Variants in KDM3B observed in about 807,000 individuals in gnomAD.
The protein encoded by KDM3B is lysine demethylase 3B.
KDM3B carries 10 observed loss-of-function variants against 170.0 expected under a neutral mutation model. The ratio of observed to expected loss-of-function variants is 0.06; its 90% CI spans 0.04 to 0.10. The LOEUF (loss-of-function observed/expected upper bound fraction) is 0.10, where lower values mean the gene tolerates loss of function less well. Ranked by LOEUF, KDM3B falls within the 10% of genes least tolerant of loss-of-function variation. The pLI, the probability that KDM3B is intolerant of heterozygous loss-of-function variation, is 1.00. For synonymous variants in KDM3B, 831 were observed against 834.8 expected (o/e 1.00, Z 0.08); for missense variants, 1,394 against 2,195.2 (o/e 0.64, Z 7.29).
intron 17 of KDM3B, among the ~76,000 whole-genome samples, chr5:138,426,008 A>T (rs1763382556): frequency 6.6e-6 from 1 of 152,142 alleles, no homozygotes; most frequent in Non-Finnish European, 1.5e-5. Flanking sequence ...TGTCTCAAAA[A>T]TAAATAAATA....
chr5:138,391,469 C>A lies in KDM3B; in HGVS notation c.1837C>A (p.Arg613Ser). ...CTTCCCACGGAGCCTCCTAAATGCC[C>A]GTACCCCAGAGAATCATGAAAATCT... Reference protein sequence around the residue: ...PAFPRSLLNARTPENHENLFL... With the variant: ...PAFPRSLLNASTPENHENLFL... The change falls in exon 8 of 24, where the codon CGT becomes AGT. Residue 613 changes from arginine to serine, a missense_variant. Transcript: ENST00000314358. This position sits in a 1 kb window ranked among gnomAD's most constrained non-coding sequence, Gnocchi z 5.0. 6.2e-7 allele frequency: 1 copy of A among 1,614,148 alleles called. No individual in the cohort carries two copies. The highest frequency in any genetic ancestry group is 1.1e-5 in the South Asian group (1 of 91,080).
At chr5:138,375,338 T>A (rs1761970013) in intron 3 of KDM3B, 132 bp downstream of exon 3, 1 of 395,356 alleles carries the variant, frequency 2.5e-6, no homozygotes, top group East Asian at 3.8e-5. Flanking sequence ...CTTCCTCCAA[T>A]AAATATGCTG....
At chr5:138,382,447 G>A (rs575316123) in intron 6 of KDM3B, among the ~76,000 whole-genome samples, 87 of 151,794 alleles carry the variant, frequency 5.7e-4, no homozygotes, top group African/African-American at 1.4e-3. Context: ...GCAAGACTCC[G>A]TCTCAAAAAA....
chr5:138,361,614 TG>T (rs1215353445), intron 1 of KDM3B, among the ~76,000 whole-genome samples: 1 of 152,228 alleles, frequency 6.6e-6, no homozygotes, highest in East Asian at 1.9e-4. Flanking sequence ...GCCTTGATTT[TG>T]GTGATCCTTC....
intron 5 of KDM3B, among the ~76,000 whole-genome samples, chr5:138,380,011 A>G (rs1762087110): frequency 6.6e-6 from 1 of 152,158 alleles, no homozygotes; most frequent in African/African-American, 2.4e-5. Flanking sequence ...CAGTAGTAGT[A>G]TTATATTCAT....
chr5:138,419,437 G>A (rs1353510001), intron 14 of KDM3B, among the ~76,000 whole-genome samples: 3 of 151,824 alleles, frequency 2.0e-5, no homozygotes, highest in South Asian at 2.1e-4. Flanking sequence ...GGCAGATCGC[G>A]AGGTCAGGAG....
At chr5:138,421,665 T>C (rs1012793709) in intron 15 of KDM3B, among the ~76,000 whole-genome samples, 1 of 152,034 alleles carries the variant, frequency 6.6e-6, no homozygotes, top group Admixed American at 6.6e-5. Context: ...TTTTAAAATA[T>C]GTCATCCCAT....
At chr5:138,384,771 G>A (rs923701169) in intron 6 of KDM3B, among the ~76,000 whole-genome samples, 1 of 149,146 alleles carries the variant, frequency 6.7e-6, no homozygotes, top group Non-Finnish European at 1.5e-5. Flanking sequence ...AAAATTAGCC[G>A]GATGTGGTGG....
intron 6 of KDM3B, among the ~76,000 whole-genome samples, chr5:138,382,819 T>C (rs984297569): frequency 2.0e-5 from 3 of 152,178 alleles, no homozygotes; most frequent in African/African-American, 7.2e-5. Flanking sequence ...ACATGTAATA[T>C]TACCACAAAC....
chr5:138,368,506 A>G (rs11949335), intron 1 of KDM3B, among the ~76,000 whole-genome samples: 38,248 of 151,792 alleles, frequency 0.25, 5,424 homozygotes, highest in East Asian at 0.56. Flanking sequence ...AGCCTCCCAC[A>G]GTGCTGGGAT....
chr5:138,374,989 G>C (rs76337811), intron 2 of KDM3B, 104 bp from the exon 3 acceptor site: 1 of 701,342 alleles, frequency 1.4e-6, no homozygotes, highest in Non-Finnish European at 2.6e-6. Context: ...GTATTTACTG[G>C]GATGAAAGAT....
At chr5:138,355,187 A>C (rs35635987) in intron 1 of KDM3B, among the ~76,000 whole-genome samples, 38,932 of 152,162 alleles carry the variant, frequency 0.26, 6,095 homozygotes, top group South Asian at 0.4. Context: ...GTTATGTTTA[A>C]GATGTTTTCA....
chr5:138,392,866 T>C (rs1762468047), intron 8 of KDM3B, among the ~76,000 whole-genome samples: 1 of 152,180 alleles, frequency 6.6e-6, no homozygotes. Flanking sequence ...AATAGCCATA[T>C]CGTGAGAGAC....
At chr5:138,354,984 G>A (rs1278564333) in intron 1 of KDM3B, among the ~76,000 whole-genome samples, 2 of 152,214 alleles carry the variant, frequency 1.3e-5, no homozygotes, top group Non-Finnish European at 2.9e-5. Context: ...AATGACCAGT[G>A]TAGGATGAGA....
Position 138,430,315 on chromosome 5 carries a change from C to G in KDM3B, c.4960C>G (p.Leu1654Val), listed in dbSNP as rs1448429189. 6.2e-7 allele frequency: 1 copy of G among 1,614,028 alleles called. No homozygotes were observed. Among genetic ancestry groups the G allele is most frequent in the Non-Finnish European group, 8.5e-7 (1 of 1,180,004 alleles). Reference sequence around the variant, plus strand: ...CCCAATTCATGACCAAAGTTGGTACCTGGACCAGACCCTCCGTAAGCGACT... The same window carrying G: ...CCCAATTCATGACCAAAGTTGGTACGTGGACCAGACCCTCCGTAAGCGACT... The part of the protein sequence containing the change: ...HDPIHDQSWY[L>V]DQTLRKRLYE... Residue 1654 changes from leucine (L) to valine (V), a missense_variant, in exon 22 of 24, where the codon CTG becomes GTG. This residue lies in a region of KDM3B where 79 missense variants were observed against 270.5 expected (regional missense o/e 0.29). Transcript: ENST00000314358.
At position 138,420,914 on chromosome 5, in the gene KDM3B, C is replaced by T. The variant is rs1029923962; in HGVS notation, c.3924C>T (p.Pro1308=). 1.9e-6 allele frequency: 3 copies of T among 1,614,136 alleles called. No individual in the cohort carries two copies. The highest frequency in any genetic ancestry group is 2.5e-6 in the Non-Finnish European group (3 of 1,179,986). The change falls in exon 15 of 24, where the codon CCC becomes CCT. Residue 1308 remains proline, a synonymous_variant. Coordinates refer to ENST00000314358, the MANE Select transcript of KDM3B (RefSeq NM_016604.4). ...GGCCGGGAAAACTTCCTCAAACCCC[C>T]TTGGACACAGGCATACCCTTTCCCC... ...HSGPGKLPQT[P]LDTGIPFPPV... is the part of the protein sequence containing the mutation.
intron 10 of KDM3B, among the ~76,000 whole-genome samples, chr5:138,399,546 ATATAT>A (rs1394281002): frequency 6.6e-6 from 1 of 151,616 alleles, no homozygotes; most frequent in Non-Finnish European, 1.5e-5. Flanking sequence ...TCAAAAAAAT[ATATAT>A]ATATATTTTT....
chr5:138,418,167 C>G (rs1763157852), intron 13 of KDM3B, among the ~76,000 whole-genome samples: 1 of 147,434 alleles, frequency 6.8e-6, no homozygotes, highest in Admixed American at 6.9e-5. Flanking sequence ...GCAACCTCTG[C>G]CTCCCAGGTT....
chr5:138,380,564 G>A (rs911524318), intron 5 of KDM3B, among the ~76,000 whole-genome samples: 10 of 149,652 alleles, frequency 6.7e-5, no homozygotes, highest in Non-Finnish European at 1.2e-4. Flanking sequence ...AAAATTGATA[G>A]ACATTTAAAT....
Sources: gnomAD v4.1 joint callset for allele counts (sites outside exome capture counted in the v4.1 genomes callset) on GRCh38, gnomAD v4.1.1 for gene constraint, gnomAD v4.1.1 regional missense constraint, Gnocchi (gnomAD v3.1) non-coding constraint, MANE v1.5 for transcripts, NCBI Gene and HGNC (gene_info 2026-07-23, HGNC 2026-07-21) for gene names.